SRGAP2C: variants seen among roughly 807,000 people sequenced by gnomAD.
SRGAP2C encodes SLIT-ROBO Rho GTPase activating protein 2C.
SRGAP2C carries 15 observed loss-of-function variants against 25.1 expected under a neutral mutation model. The observed-to-expected ratio is 0.60, with a 90% CI of 0.40 to 0.92. The LOEUF (loss-of-function observed/expected upper bound fraction) is 0.92, where lower values mean the gene tolerates loss of function less well. SRGAP2C is among the 40% of genes least tolerant of loss of function. SRGAP2C has a pLI of 0.00. For missense variants in SRGAP2C, 144 were observed against 264.4 expected (o/e 0.54, Z 3.16); for synonymous variants, 44 against 96.6 (o/e 0.46, Z 3.19).
At chr1:121,199,719 T>A (rs1654928674) in intron 2 of SRGAP2C, among the ~76,000 whole-genome samples, 1 of 140,004 alleles carries the variant, frequency 7.1e-6, no homozygotes, top group African/African-American at 2.8e-5. Context: ...TGCTTGAACC[T>A]GGGATGCGGA....
chr1:121,359,941 T>C (rs587624618), intron 4 of SRGAP2C, among the ~76,000 whole-genome samples: 1 of 152,168 alleles, frequency 6.6e-6, no homozygotes, highest in East Asian at 1.9e-4. Flanking sequence ...CAGCACTCTG[T>C]AAAAATGCAC....
At chr1:121,353,536 A>G (rs1658978541) in intron 4 of SRGAP2C, among the ~76,000 whole-genome samples, 1 of 90,820 alleles carries the variant, frequency 1.1e-5, no homozygotes, top group Non-Finnish European at 2.4e-5. Context: ...CAACAATGAA[A>G]TCAACAATAG....
intron 3 of SRGAP2C, among the ~76,000 whole-genome samples, chr1:121,304,210 C>CAAAAA (rs1174072520): frequency 9.4e-5 from 2 of 21,378 alleles, no homozygotes; most frequent in African/African-American, 4.0e-4. Context: ...GACTCCATAT[C>CAAAAA]AAAAAAAAAA....
intron 2 of SRGAP2C, among the ~76,000 whole-genome samples, chr1:121,230,740 G>A (rs1431762149): frequency 2.0e-5 from 3 of 150,800 alleles, no homozygotes; most frequent in South Asian, 2.1e-4. Flanking sequence ...GCATACATAT[G>A]TTTATTGCAG....
chr1:121,370,759 A>C (rs587712077), intron 5 of SRGAP2C, among the ~76,000 whole-genome samples: 25 of 150,512 alleles, frequency 1.7e-4, no homozygotes, highest in Non-Finnish European at 3.3e-4. Flanking sequence ...TCAGACTTTC[A>C]ATAGCTTATT....
At position 121,226,105 on chromosome 1, in the gene SRGAP2C, C is replaced by T. The variant is rs587772306; in HGVS notation, c.67+38592C>T. On this transcript the variant is annotated intron_variant, in intron 2 of 9. Coordinates refer to ENST00000367123, the MANE Select transcript of SRGAP2C (RefSeq NM_001329984.2). ...TCCAAGCGAACTTTATGAAAGGGAT[C>T]GGGTCTGTATATAAACCATTTAATT... Among the ~76,000 whole-genome samples, 233 of 151,756 alleles carry T rather than the reference C, an allele frequency of 1.5e-3. 2 individuals carry two copies. Among genetic ancestry groups the T allele is most frequent in the Non-Finnish European group, 2.6e-3 (179 of 67,944 alleles).
intron 5 of SRGAP2C, among the ~76,000 whole-genome samples, chr1:121,370,725 T>A (rs1659463952): frequency 6.6e-6 from 1 of 151,950 alleles, no homozygotes; most frequent in Non-Finnish European, 1.5e-5. Flanking sequence ...ATTACAGGCA[T>A]GAGCCACCAT....
intron 3 of SRGAP2C, among the ~76,000 whole-genome samples, chr1:121,308,093 G>T (rs1224036397): frequency 6.7e-6 from 1 of 148,982 alleles, no homozygotes; most frequent in African/African-American, 2.5e-5. Context: ...TGCGCTCTGG[G>T]GCTCTGAGCA....
Position 121,391,940 on chromosome 1 carries a change from A to G in SRGAP2C, c.*4085A>G, listed in dbSNP as rs587711737. On this transcript the variant is annotated 3_prime_UTR_variant, in exon 10 of 10. Transcript: ENST00000367123. ...ACTCTCTTCATTATACTCAAATGTC[A>G]AAAGGAAAACATAAACAAAGAAATA... 1.5e-4 allele frequency: 23 copies of G among 152,008 alleles called. No individual in the cohort carries two copies. Among genetic ancestry groups the G allele is most frequent in the African/African-American group, 5.5e-4 (23 of 41,482 alleles). The allele number at this position is 152,008 out of a possible 1,614,324, so 9.4% of individuals were successfully genotyped here. A position where few individuals can be genotyped will look rare whatever the true frequency, so the allele number is the denominator to read the frequency against.
At chr1:121,267,957 T>C (rs1212803475) in intron 2 of SRGAP2C, among the ~76,000 whole-genome samples, 3 of 151,706 alleles carry the variant, frequency 2.0e-5, no homozygotes, top group Non-Finnish European at 4.4e-5. Flanking sequence ...CAGCAATAAA[T>C]TGTTCCAAAT....
At chr1:121,208,839 A>G (rs1462721925) in intron 2 of SRGAP2C, among the ~76,000 whole-genome samples, 2 of 152,180 alleles carry the variant, frequency 1.3e-5, no homozygotes, top group East Asian at 1.9e-4. Flanking sequence ...TGAAAGGCAT[A>G]TATGTGGGAT....
At chr1:121,370,776 T>C (rs2101658116) in intron 5 of SRGAP2C, among the ~76,000 whole-genome samples, 1 of 150,492 alleles carries the variant, frequency 6.6e-6, no homozygotes, top group South Asian at 2.1e-4. Context: ...TATTTTGTGT[T>C]TAGCTCTACC....
At chr1:121,238,690 T>C (rs1436751245) in intron 2 of SRGAP2C, among the ~76,000 whole-genome samples, 6 of 151,716 alleles carry the variant, frequency 4.0e-5, no homozygotes, top group Non-Finnish European at 8.8e-5. Flanking sequence ...CATAGCTCAC[T>C]GTAACCTCAG....
chr1:121,198,986 C>A (rs1237022855), intron 2 of SRGAP2C, among the ~76,000 whole-genome samples: 1 of 152,006 alleles, frequency 6.6e-6, no homozygotes, highest in Non-Finnish European at 1.5e-5. Flanking sequence ...CTATAAAATC[C>A]CTGTAAGATG....
intron 3 of SRGAP2C, among the ~76,000 whole-genome samples, chr1:121,306,781 C>A (rs1461806229): frequency 1.3e-5 from 2 of 151,888 alleles, no homozygotes; most frequent in Admixed American, 6.6e-5. Flanking sequence ...TAATTATCTC[C>A]CATAATTTAA....
chr1:121,198,349 G>A (rs1158394300), intron 2 of SRGAP2C, among the ~76,000 whole-genome samples: 4 of 142,806 alleles, frequency 2.8e-5, no homozygotes, highest in African/African-American at 5.3e-5. Context: ...TCAGTGGAGA[G>A]GTGACCCAGA....
intron 3 of SRGAP2C, among the ~76,000 whole-genome samples, chr1:121,323,212 G>A (rs1658247093): frequency 6.7e-6 from 1 of 148,840 alleles, no homozygotes; most frequent in Admixed American, 6.7e-5. Flanking sequence ...TCCTACTTTT[G>A]TTTCTCTCCT....
chr1:121,268,782 C>T lies in SRGAP2C; in HGVS notation c.68-16021C>T, dbSNP rs1419122520. Among the ~76,000 whole-genome samples the T allele has an allele frequency of 4.9e-5, 5 of 101,824 alleles. 1 individual carries two copies. The highest frequency in any genetic ancestry group is 7.5e-5 in the Non-Finnish European group (3 of 39,942). 66.8% of individuals were successfully genotyped at this position (101,824 alleles called of 152,430 possible). A position where few individuals can be genotyped will look rare whatever the true frequency, so the allele number is the denominator to read the frequency against. On this transcript the variant is annotated intron_variant, in intron 2 of 9. Coordinates refer to ENST00000367123, the MANE Select transcript of SRGAP2C (RefSeq NM_001329984.2). ...GGATGGGGTGTCAAGAGTTCAGGTT[C>T]GGGCATGTTAAGTTCTAGGTACCTG...
chr1:121,233,119 T>A (rs1254034034), intron 2 of SRGAP2C, among the ~76,000 whole-genome samples: 2 of 129,914 alleles, frequency 1.5e-5, no homozygotes, highest in Admixed American at 1.5e-4. Flanking sequence ...ACAACTGAGG[T>A]GGCAAGAGGG....
Sources: gnomAD v4.1 joint callset for allele counts (sites outside exome capture counted in the v4.1 genomes callset) on GRCh38, gnomAD v4.1.1 for gene constraint, MANE v1.5 for transcripts, NCBI Gene and HGNC (gene_info 2026-07-23, HGNC 2026-07-21) for gene names.